Variants in PIR observed in about 807,000 individuals in gnomAD.
PIR encodes the protein pirin (iron-binding nuclear protein).
PIR carries 22 observed loss-of-function variants against 24.2 expected under a neutral mutation model. That is an observed-to-expected ratio of 0.91 (90% confidence interval 0.65 to 1.30). The LOEUF (loss-of-function observed/expected upper bound fraction) is 1.30, where lower values mean the gene tolerates loss of function less well. PIR is among the 50% of genes most tolerant of loss of function. The pLI is 0.00. For missense variants in PIR, 220 were observed against 220.3 expected (o/e 1.00, Z 0.01); for synonymous variants, 80 against 79.6 (o/e 1.00, Z -0.03).
At chrX:15,419,024 C>T in intron 6 of PIR, among the ~76,000 whole-genome samples, 1 of 110,761 alleles carries the variant, frequency 9.0e-6, no homozygotes, top group East Asian at 2.8e-4. Context: ...AGCCAATGGC[C>T]TACACATTTC....
intron 3 of PIR, among the ~76,000 whole-genome samples, chrX:15,468,510 C>A (rs2069760907): frequency 8.9e-6 from 1 of 112,645 alleles, no homozygotes; most frequent in Admixed American, 9.3e-5. Context: ...TTCAGAGACT[C>A]ATGTCGATTT....
chrX:15,386,157 C>G (rs1350103400), intron 9 of PIR, among the ~76,000 whole-genome samples: 1 of 112,352 alleles, frequency 8.9e-6, no homozygotes. Context: ...ATGGAACTGC[C>G]TGCTCTAAGG....
chrX:15,438,580 A>G (rs758014966), intron 5 of PIR, among the ~76,000 whole-genome samples: 3 of 112,050 alleles, frequency 2.7e-5, no homozygotes, highest in South Asian at 7.5e-4. Flanking sequence ...TGAGAATTCA[A>G]TTGCACACAT....
At chrX:15,443,504 T>C (rs1239259565) in intron 5 of PIR, among the ~76,000 whole-genome samples, 1 of 111,521 alleles carries the variant, frequency 9.0e-6, no homozygotes. Flanking sequence ...ATATTAACAA[T>C]TAATATTCAA....
rs58871801 is a variant in PIR at position 15,409,265 on chromosome X, A to ATTTTTTT, written c.566-1716_566-1715insAAAAAAA. Among the ~76,000 whole-genome samples the ATTTTTTT allele has an allele frequency of 3.1e-4, 31 of 100,749 alleles. 1 individual carries two copies. Among genetic ancestry groups the ATTTTTTT allele is most frequent in the African/African-American group, 4.6e-4 (12 of 26,256 alleles). 87.5% of individuals were successfully genotyped at this position (100,749 alleles called of 115,157 possible). A position where few individuals can be genotyped will look rare whatever the true frequency, so the allele number is the denominator to read the frequency against. The stretch of plus-strand genomic sequence containing the variant: ...AGGCGCCCGCCACCATGCCCAGCTA[A>ATTTTTTT]TTTTTGTATTTTTAGTAGAGACGGG... On this transcript the variant is annotated intron_variant, in intron 6 of 9. Transcript: ENST00000380420.
At chrX:15,463,800 T>C (rs896491435) in intron 3 of PIR, among the ~76,000 whole-genome samples, 3 of 112,426 alleles carry the variant, frequency 2.7e-5, no homozygotes, top group African/African-American at 6.5e-5. Flanking sequence ...TCCCAGTGAA[T>C]GATGTTAGAA....
chrX:15,409,525 C>CG (rs1229751233), intron 6 of PIR, among the ~76,000 whole-genome samples: 39 of 111,090 alleles, frequency 3.5e-4, no homozygotes, highest in African/African-American at 1.0e-3. Context: ...GCACCTTTGG[C>CG]GGGGGGAGGT....
chrX:15,449,373 T>C (rs1045127698), intron 5 of PIR, among the ~76,000 whole-genome samples: 1 of 112,036 alleles, frequency 8.9e-6, no homozygotes, highest in East Asian at 2.8e-4. Flanking sequence ...AATACAGTTA[T>C]AGAATGTCTT....
At chrX:15,414,982 T>C (rs1002073448) in intron 6 of PIR, among the ~76,000 whole-genome samples, 5 of 112,007 alleles carry the variant, frequency 4.5e-5, no homozygotes, top group Non-Finnish European at 1.9e-5. Flanking sequence ...GAGATGATAT[T>C]ACTCATTTAA....
intron 3 of PIR, among the ~76,000 whole-genome samples, chrX:15,475,664 C>T (rs1461241625): frequency 1.8e-5 from 2 of 112,278 alleles, no homozygotes; most frequent in Non-Finnish European, 3.8e-5. Context: ...TAAACTTTAG[C>T]GGGACTTTCC....
intron 2 of PIR, among the ~76,000 whole-genome samples, chrX:15,484,308 T>TTTC (rs1922680596): frequency 3.9e-5 from 1 of 25,497 alleles, no homozygotes; most frequent in Non-Finnish European, 6.5e-5. Flanking sequence ...TCAATTTTCT[T>TTTC]TTTTTTTTTT....
chrX:15,385,709 T>C (rs1202168977), intron 9 of PIR, among the ~76,000 whole-genome samples: 1 of 112,193 alleles, frequency 8.9e-6, no homozygotes, highest in Non-Finnish European at 1.9e-5. Context: ...GTATTTTAGA[T>C]TTTGTGGGTC....
intron 6 of PIR, among the ~76,000 whole-genome samples, chrX:15,416,121 A>G (rs1924906911): frequency 8.9e-6 from 1 of 111,868 alleles, no homozygotes; most frequent in Non-Finnish European, 1.9e-5. Flanking sequence ...TTCCTGAATA[A>G]TTTGATATTT....
intron 8 of PIR, among the ~76,000 whole-genome samples, chrX:15,391,736 G>A (rs1335166088): frequency 2.7e-5 from 3 of 111,509 alleles, no homozygotes; most frequent in Non-Finnish European, 5.6e-5. Context: ...AGTCAGAGGT[G>A]CTGCTAGACT....
At chrX:15,445,396 T>A (rs1354542336) in intron 5 of PIR, among the ~76,000 whole-genome samples, 1 of 110,072 alleles carries the variant, frequency 9.1e-6, no homozygotes, top group African/African-American at 3.3e-5. Context: ...GGGGTGGGGT[T>A]CTGGGGGAGG....
At chrX:15,398,040 AAAAT>A (rs1569193406) in intron 7 of PIR, among the ~76,000 whole-genome samples, 1 of 110,303 alleles carries the variant, frequency 9.1e-6, no homozygotes, top group African/African-American at 3.3e-5. Flanking sequence ...ATTCAACTGA[AAAAT>A]AAGTAAGTTG....
intron 8 of PIR, among the ~76,000 whole-genome samples, chrX:15,392,986 G>T (rs1924006422): frequency 8.9e-6 from 1 of 112,087 alleles, no homozygotes; most frequent in Admixed American, 9.5e-5. Flanking sequence ...TTTGTCTATG[G>T]TGTCAAATGA....
intron 9 of PIR, among the ~76,000 whole-genome samples, chrX:15,385,366 A>T (rs1249315465): frequency 1.8e-5 from 2 of 112,231 alleles, no homozygotes; most frequent in African/African-American, 6.5e-5. Flanking sequence ...CATTCAGTAT[A>T]GGTTTCTCAC....
chrX:15,448,358 C>A (rs1356738344), intron 5 of PIR, among the ~76,000 whole-genome samples: 1 of 112,358 alleles, frequency 8.9e-6, no homozygotes, highest in Non-Finnish European at 1.9e-5. Context: ...AACAGTGAAT[C>A]CAAGCCAAGT....
Sources: gnomAD v4.1 joint callset for allele counts (sites outside exome capture counted in the v4.1 genomes callset) on GRCh38, gnomAD v4.1.1 for gene constraint, MANE v1.5 for transcripts, NCBI Gene and HGNC (gene_info 2026-07-23, HGNC 2026-07-21) for gene names.